SCAPER: variants seen among roughly 807,000 people sequenced by gnomAD.
The protein encoded by SCAPER is S-phase cyclin A associated protein in the ER, also known as S phase cyclin A-associated protein in the endoplasmic reticulum.
A neutral mutation model predicts 182.2 loss-of-function variants in SCAPER; 98 were observed. That is an observed-to-expected ratio of 0.54 (90% CI 0.46 to 0.64). The LOEUF (loss-of-function observed/expected upper bound fraction) is 0.64. Ranked by LOEUF, SCAPER falls within the 30% of genes least tolerant of loss-of-function variation. The pLI is 0.00. For synonymous variants in SCAPER, 605 were observed against 564.6 expected (o/e 1.07, Z -1.01); for missense variants, 1,432 against 1,690.0 (o/e 0.85, Z 2.68).
chr15:76,716,625 C>A (rs2059900895), intron 17 of SCAPER, among the ~76,000 whole-genome samples: 1 of 151,504 alleles, frequency 6.6e-6, no homozygotes, highest in African/African-American at 2.4e-5. Context: ...TTTAAAAAAT[C>A]TCAATAAAAA....
Position 76,726,156 on chromosome 15 carries a change from A to ATATATATATATATATATATATAT in SCAPER, c.2165+2438_2165+2439insATATATATATATATATATATATA, listed in dbSNP as rs56986282. On this transcript the variant is annotated intron_variant, in intron 17 of 31. Coordinates refer to ENST00000563290, the MANE Select transcript of SCAPER (RefSeq NM_020843.4). ...ATATATATATATATATATATATATA[A>ATATATATATATATATATATATAT]AAAACTCTATAACCCAACAAGAAAA... Among the ~76,000 whole-genome samples, 771 of 79,648 alleles carry ATATATATATATATATATATATAT rather than the reference A, an allele frequency of 9.7e-3. 106 individuals carry two copies. The highest frequency in any genetic ancestry group is 0.011 in the Non-Finnish European group (475 of 43,022). 52.3% of individuals were successfully genotyped at this position (79,648 alleles called of 152,430 possible). A position where few individuals can be genotyped will look rare whatever the true frequency, so the allele number is the denominator to read the frequency against.
intron 20 of SCAPER, among the ~76,000 whole-genome samples, chr15:76,687,613 C>A (rs1340436937): frequency 6.6e-6 from 1 of 152,130 alleles, no homozygotes; most frequent in Non-Finnish European, 1.5e-5. Context: ...CCAACAGGCC[C>A]CGGTGCGTGA....
intron 22 of SCAPER, among the ~76,000 whole-genome samples, chr15:76,608,613 G>C (rs1408635539): frequency 6.6e-6 from 1 of 152,202 alleles, no homozygotes; most frequent in Non-Finnish European, 1.5e-5. Context: ...CCTGCCCCCA[G>C]AGGTGGAGCC....
chr15:76,741,812 G>C (rs1288144565), intron 15 of SCAPER, among the ~76,000 whole-genome samples: 2 of 152,088 alleles, frequency 1.3e-5, no homozygotes, highest in East Asian at 3.8e-4. Flanking sequence ...CAGTTGGTTT[G>C]GGATAAAGGA....
At chr15:76,686,007 G>GT (rs1437064498) in intron 20 of SCAPER, among the ~76,000 whole-genome samples, 1 of 151,952 alleles carries the variant, frequency 6.6e-6, no homozygotes, top group Non-Finnish European at 1.5e-5. Flanking sequence ...CTTTTATAAC[G>GT]TAAGATAGAG....
intron 22 of SCAPER, among the ~76,000 whole-genome samples, chr15:76,585,531 G>GAT (rs913845562): frequency 1.3e-5 from 2 of 152,088 alleles, no homozygotes; most frequent in African/African-American, 4.8e-5. Flanking sequence ...CATAGCAACA[G>GAT]ATATATATGA....
chr15:76,559,903 C>T (rs1450480960), intron 23 of SCAPER, among the ~76,000 whole-genome samples: 1 of 151,840 alleles, frequency 6.6e-6, no homozygotes, highest in African/African-American at 2.4e-5. Flanking sequence ...TAAAGAGAAA[C>T]AACAACTTGT....
intron 7 of SCAPER, chr15:76,797,576 TG>T (rs1228310106): frequency 5.9e-5 from 9 of 152,198 alleles, no homozygotes; most frequent in African/African-American, 2.2e-4. Context: ...AAGGAGGAAC[TG>T]ACAAGCAAAG....
intron 27 of SCAPER, among the ~76,000 whole-genome samples, chr15:76,383,887 G>C (rs2141963436): frequency 6.6e-6 from 1 of 152,292 alleles, no homozygotes; most frequent in South Asian, 2.1e-4. Flanking sequence ...ATGCAATCTT[G>C]TATTGTCGAG....
At chr15:76,489,872 T>G (rs2052108006) in intron 24 of SCAPER, among the ~76,000 whole-genome samples, 1 of 152,218 alleles carries the variant, frequency 6.6e-6, no homozygotes, top group Non-Finnish European at 1.5e-5. Context: ...TTTAGATACC[T>G]CATATAAACA....
intron 14 of SCAPER, among the ~76,000 whole-genome samples, chr15:76,759,064 T>G (rs2062619380): frequency 6.6e-6 from 1 of 152,166 alleles, no homozygotes; most frequent in East Asian, 1.9e-4. Flanking sequence ...TATAATGCAT[T>G]CATTTCTTCT....
At chr15:76,494,655 G>A (rs115096897) in intron 24 of SCAPER, among the ~76,000 whole-genome samples, 4,986 of 152,132 alleles carry the variant, frequency 0.033, 254 homozygotes, top group African/African-American at 0.11. Flanking sequence ...AACCAAGAAC[G>A]CTCATTGACG....
intron 24 of SCAPER, among the ~76,000 whole-genome samples, chr15:76,494,665 G>A (rs1047843755): frequency 6.6e-6 from 1 of 151,950 alleles, no homozygotes; most frequent in African/African-American, 2.4e-5. Flanking sequence ...GCTCATTGAC[G>A]CAACCTTCGA....
chr15:76,758,062 A>AT (rs1270418499), intron 14 of SCAPER, among the ~76,000 whole-genome samples: 2 of 151,694 alleles, frequency 1.3e-5, no homozygotes, highest in South Asian at 2.1e-4. Flanking sequence ...CATTTTGATA[A>AT]TTTTTTCATT....
chr15:76,853,077 GAA>G (rs2070929644), intron 4 of SCAPER, among the ~76,000 whole-genome samples: 1 of 152,100 alleles, frequency 6.6e-6, no homozygotes, highest in Non-Finnish European at 1.5e-5. Flanking sequence ...GGAAAACCTA[GAA>G]GAGATGGATA....
intron 4 of SCAPER, among the ~76,000 whole-genome samples, chr15:76,856,912 A>G (rs1226010130): frequency 6.6e-6 from 1 of 152,030 alleles, no homozygotes; most frequent in East Asian, 1.9e-4. Flanking sequence ...CACATATGAA[A>G]ATAACTATGG....
chr15:76,402,729 A>G (rs1266153008), intron 27 of SCAPER, among the ~76,000 whole-genome samples: 1 of 152,084 alleles, frequency 6.6e-6, no homozygotes, highest in Non-Finnish European at 1.5e-5. Flanking sequence ...TCCTGTTTCC[A>G]TGTTCCATAT....
chr15:76,800,474 C>T lies in SCAPER; in HGVS notation c.495-110G>A, dbSNP rs1598803946. ...AAAAAATAATCCTACTTTTCAACAA[C>T]AACAACAAAAAGTCACAACATGTGC... On this transcript the variant is annotated intron_variant, in intron 6 of 31. Coordinates refer to ENST00000563290, the MANE Select transcript of SCAPER (RefSeq NM_020843.4). 9.7e-6 allele frequency: 7 copies of T among 722,840 alleles called. No homozygotes were observed. The East Asian group carries it at 1.9e-4, about 19-fold the overall frequency. The allele number at this position is 722,840 out of a possible 1,614,324, so 44.8% of individuals were successfully genotyped here.
chr15:76,591,848 T>C lies in SCAPER; in HGVS notation c.2712-17564A>G, dbSNP rs551014072. Among the ~76,000 whole-genome samples the C allele has an allele frequency of 3.3e-5, 5 of 152,264 alleles. No homozygotes were observed. In the South Asian group the frequency reaches 1.0e-3, roughly 32 times the overall value. On this transcript the variant is annotated intron_variant, in intron 22 of 31. Coordinates refer to ENST00000563290, the MANE Select transcript of SCAPER (RefSeq NM_020843.4). ...GCCAAAGTGGGTGGATTGCTTTACC[T>C]CAGCAGTTTGAGACCAGCCTGGGCA...
Sources: gnomAD v4.1 joint callset for allele counts (sites outside exome capture counted in the v4.1 genomes callset) on GRCh38, gnomAD v4.1.1 for gene constraint, MANE v1.5 for transcripts, NCBI Gene and HGNC (gene_info 2026-07-23, HGNC 2026-07-21) for gene names.